Variants in RAPGEF2 observed in about 807,000 individuals in gnomAD.
The protein encoded by RAPGEF2 is Rap guanine nucleotide exchange factor 2, also known as PDZ domain containing guanine nucleotide exchange factor (GEF) 1.
A neutral mutation model predicts 186.7 loss-of-function variants in RAPGEF2; 54 were observed. The observed-to-expected ratio is 0.29, with a 90% CI of 0.23 to 0.36. RAPGEF2 has a LOEUF of 0.36. RAPGEF2 is among the 10% of genes least tolerant of loss of function. The probability of loss-of-function intolerance (pLI) is 1.00; values close to 1 mark genes in which losing one functional copy is unlikely to be tolerated. For synonymous variants in RAPGEF2, 712 were observed against 705.9 expected (o/e 1.01, Z -0.14); for missense variants, 1,532 against 2,045.0 (o/e 0.75, Z 4.84).
At chr4:159,187,975 T>C (rs552565073) in intron 2 of RAPGEF2, among the ~76,000 whole-genome samples, 3 of 152,348 alleles carry the variant, frequency 2.0e-5, no homozygotes, top group African/African-American at 7.2e-5. Context: ...AAATTTTTAA[T>C]GAAAGTCATT....
At chr4:159,343,722 A>G (rs747413292) in intron 22 of RAPGEF2, among the ~76,000 whole-genome samples, 2 of 152,264 alleles carry the variant, frequency 1.3e-5, no homozygotes, top group Non-Finnish European at 2.9e-5. Context: ...GCACTAAAAT[A>G]TGTAAATACC....
intron 4 of RAPGEF2, among the ~76,000 whole-genome samples, chr4:159,221,898 A>G (rs1404648749): frequency 6.6e-6 from 1 of 152,240 alleles, no homozygotes; most frequent in African/African-American, 2.4e-5. Context: ...AGAGTTGATG[A>G]TATTGAAGGG....
chr4:159,174,760 CTTT>C (rs1043918425), intron 1 of RAPGEF2, among the ~76,000 whole-genome samples: 37 of 44,160 alleles, frequency 8.4e-4, no homozygotes, highest in African/African-American at 7.5e-3. Flanking sequence ...TTCTTTCTTT[CTTT>C]TTTTTTTTTT....
chr4:159,166,389 T>C (rs907073628), intron 1 of RAPGEF2, among the ~76,000 whole-genome samples: 16 of 152,182 alleles, frequency 1.1e-4, no homozygotes, highest in African/African-American at 3.6e-4. Flanking sequence ...GCAATGAGAC[T>C]GGGTGTGGCA....
Position 159,353,861 on chromosome 4 carries a change from C to T in RAPGEF2, c.4466C>T (p.Ser1489Phe). The T allele has an allele frequency of 6.2e-7, 1 of 1,614,202 alleles. No individual in the cohort carries two copies. The highest frequency in any genetic ancestry group is 1.7e-5 in the Admixed American group (1 of 60,024). Residue 1489 changes from serine (S) to phenylalanine (F), a missense_variant, in exon 28 of 30, where the codon TCT becomes TTT. By Grantham distance (155) the Ser-to-Phe change is radical (BLOSUM62 -2). Coordinates refer to ENST00000691494, the MANE Select transcript of RAPGEF2 (RefSeq NM_001394067.2). This position sits in a 1 kb window ranked among gnomAD's most constrained non-coding sequence, Gnocchi z 4.3. ...GCCCAGTCCCGAGCAAGCTGGGCGT[C>T]TTCCACAGGTTACTGGGGAGAAGAC... ...EQAQSRASWA[S>F]STGYWGEDSE...
intron 23 of RAPGEF2, 49 bp downstream of exon 23, chr4:159,344,108 AT>A (rs1402101867): frequency 6.6e-7 from 1 of 1,514,744 alleles, no homozygotes; most frequent in Non-Finnish European, 9.2e-7. Context: ...TATTCTGCTC[AT>A]TGCATTGTTT....
intron 7 of RAPGEF2, among the ~76,000 whole-genome samples, chr4:159,258,844 G>A (rs1756482330): frequency 6.6e-6 from 1 of 152,148 alleles, no homozygotes; most frequent in Non-Finnish European, 1.5e-5. Flanking sequence ...AGATCTTCCT[G>A]CTTTAACAGG....
chr4:159,308,502 A>G (rs1019721978), intron 8 of RAPGEF2, among the ~76,000 whole-genome samples: 1 of 152,206 alleles, frequency 6.6e-6, no homozygotes, highest in Non-Finnish European at 1.5e-5. Context: ...TGAATCAAGC[A>G]TCCAGTTTAT....
intron 3 of RAPGEF2, among the ~76,000 whole-genome samples, chr4:159,210,229 T>TA (rs1364657575): frequency 2.6e-5 from 4 of 152,134 alleles, no homozygotes; most frequent in Non-Finnish European, 5.9e-5. Flanking sequence ...TCAAAAAAAG[T>TA]AAAAAAACTT....
intron 5 of RAPGEF2, 57 bp from the exon 6 acceptor site, chr4:159,241,144 A>G (rs1753938730): frequency 2.3e-6 from 3 of 1,306,054 alleles, no homozygotes. Flanking sequence ...TCTGTATCTA[A>G]TATTAATAGG....
intron 1 of RAPGEF2, among the ~76,000 whole-genome samples, chr4:159,173,484 A>G (rs1269544079): frequency 6.6e-6 from 1 of 152,138 alleles, no homozygotes; most frequent in Non-Finnish European, 1.5e-5. Context: ...TTGCGGAGAT[A>G]GGAGTTCAGT....
At chr4:159,209,922 A>G (rs947361622) in intron 3 of RAPGEF2, among the ~76,000 whole-genome samples, 1 of 152,256 alleles carries the variant, frequency 6.6e-6, no homozygotes, top group African/African-American at 2.4e-5. Context: ...TTACAGCAGT[A>G]AAAAGAATAC....
chr4:159,260,421 G>GT (rs901452500), intron 7 of RAPGEF2, among the ~76,000 whole-genome samples: 16 of 151,736 alleles, frequency 1.1e-4, no homozygotes, highest in South Asian at 8.4e-4. Context: ...TTAATGTAGT[G>GT]TTTTTTTTCC....
intron 1 of RAPGEF2, among the ~76,000 whole-genome samples, chr4:159,182,694 C>T (rs1189326514): frequency 1.3e-5 from 2 of 152,068 alleles, no homozygotes; most frequent in Non-Finnish European, 2.9e-5. Flanking sequence ...CTGTGCCCAG[C>T]CTTAGTACTT....
intron 1 of RAPGEF2, among the ~76,000 whole-genome samples, chr4:159,180,648 T>C (rs999268079): frequency 5.9e-5 from 9 of 152,234 alleles, no homozygotes; most frequent in Admixed American, 5.2e-4. Context: ...TGGTTTGATA[T>C]ATAAAATACA....
chr4:159,297,249 CA>C (rs1579821118), intron 7 of RAPGEF2, among the ~76,000 whole-genome samples: 2 of 152,054 alleles, frequency 1.3e-5, no homozygotes, highest in African/African-American at 4.8e-5. Context: ...CCCCAACCCC[CA>C]AAAAAACACA....
chr4:159,278,560 G>A (rs1170982194), intron 7 of RAPGEF2, among the ~76,000 whole-genome samples: 2 of 152,178 alleles, frequency 1.3e-5, no homozygotes, highest in African/African-American at 4.8e-5. Context: ...AATAACCCAA[G>A]TTAGGAAATA....
chr4:159,127,834 G>A (rs1185718205), intron 1 of RAPGEF2, among the ~76,000 whole-genome samples: 1 of 152,076 alleles, frequency 6.6e-6, no homozygotes, highest in African/African-American at 2.4e-5. Flanking sequence ...ATACAACATT[G>A]TTCAGGCTTG....
intron 8 of RAPGEF2, among the ~76,000 whole-genome samples, chr4:159,314,157 A>ATT (rs1397891260): frequency 3.9e-5 from 6 of 152,178 alleles, no homozygotes; most frequent in Admixed American, 3.9e-4. Context: ...TTTTTCCATA[A>ATT]GGACTGTCTA....
Sources: allele counts gnomAD v4.1 joint callset (sites outside exome capture counted in the v4.1 genomes callset), GRCh38; gene constraint gnomAD v4.1.1; non-coding constraint Gnocchi (gnomAD v3.1); transcripts MANE v1.5; gene names NCBI Gene and HGNC (gene_info 2026-07-23, HGNC 2026-07-21).